The following ABCB1 variants were observed in gnomAD, a reference collection of about 807,000 sequenced individuals.
ABCB1 encodes ATP-dependent translocase ABCB1.
ABCB1 carries 69 observed loss-of-function variants against 142.0 expected under a neutral mutation model. The ratio of observed to expected loss-of-function variants is 0.49; its 90% CI spans 0.40 to 0.59. The LOEUF (loss-of-function observed/expected upper bound fraction) is 0.59. Among genes scored for constraint, ABCB1 ranks in the 20% least tolerant of loss-of-function variants. ABCB1 has a pLI of 0.00. For synonymous variants in ABCB1, 532 were observed against 539.2 expected, an observed-to-expected ratio of 0.99 and a Z score of 0.18; for missense variants, 1,326 against 1,554.7, an observed-to-expected ratio of 0.85 and a Z score of 2.47.
intron 1 of ABCB1, chr7:87,709,585 A>G: frequency 1.1e-6 from 1 of 876,384 alleles, no homozygotes; most frequent in Non-Finnish European, 1.4e-6. Context: ...TTCTAGCCTG[A>G]CAGGTTTTAA....
In ABCB1 at chr7:87,544,222, A is replaced by T; in HGVS notation, c.2118T>A (p.Thr706=). Reference sequence around the variant, plus strand: ...CACCAACAACAAAATAAGGCCATTCAGTTAAATTTAGCTTCATAATCCTCC... The same window carrying T: ...CACCAACAACAAAATAAGGCCATTCTGTTAAATTTAGCTTCATAATCCTCC... ...SFWRIMKLNL[T]EWPYFVVGVF... The change falls in exon 17 of 28, where the codon ACT becomes ACA. Residue 706 remains threonine, a synonymous_variant. Coordinates refer to ENST00000622132, the MANE Select transcript of ABCB1 (RefSeq NM_001348946.2). The T allele has an allele frequency of 1.2e-6, 2 of 1,613,800 alleles. No individual in the cohort carries two copies. Among genetic ancestry groups the T allele is most frequent in the South Asian group, 1.1e-5 (1 of 91,074 alleles).
rs201365503 is a variant in ABCB1 at position 87,545,946 on chromosome 7, C to T, written c.1804G>A (p.Asp602Asn). The T allele has an allele frequency of 3.6e-5, 58 of 1,614,116 alleles. 1 individual carries two copies. The East Asian group carries it at 1.3e-3, about 35-fold the overall frequency. ...VRNADVIAGFDDGVIVEKGNH... is the reference protein window; with the variant it reads ...VRNADVIAGFNDGVIVEKGNH... ...CCTTTCTCCACAATGACTCCATCAT[C>T]GAAACCAGCGATGACGTCAGCATTA... Residue 602 changes from aspartate to asparagine, a missense_variant, in exon 15 of 28, where the codon GAT becomes AAT. Physicochemically the swap from Asp to Asn is conservative, Grantham distance 23. Transcript: ENST00000622132.
chr7:87,511,064 T>A (rs1814985502), intron 25 of ABCB1, among the ~76,000 whole-genome samples: 1 of 152,218 alleles, frequency 6.6e-6, no homozygotes, highest in Non-Finnish European at 1.5e-5. Flanking sequence ...ATCTGAATGA[T>A]CTCAGCAAGT....
At chr7:87,507,706 G>A (rs775172266) in intron 26 of ABCB1, among the ~76,000 whole-genome samples, 12 of 152,082 alleles carry the variant, frequency 7.9e-5, no homozygotes, top group African/African-American at 2.7e-4. Context: ...CTTCCCCGCC[G>A]GGTTGAGGCT....
At chr7:87,685,382 T>C (rs1434367215) in intron 1 of ABCB1, among the ~76,000 whole-genome samples, 2 of 152,130 alleles carry the variant, frequency 1.3e-5, no homozygotes, top group African/African-American at 4.8e-5. Context: ...TCAAACCATA[T>C]TAGGTAGCAC....
At chr7:87,675,788 C>G (rs1485255439) in intron 1 of ABCB1, among the ~76,000 whole-genome samples, 1 of 151,524 alleles carries the variant, frequency 6.6e-6, no homozygotes, top group Non-Finnish European at 1.5e-5. Context: ...AACATAAGAC[C>G]TGAAACTGTA....
At chr7:87,650,722 A>G (rs1469445625) in intron 1 of ABCB1, 8 of 716,224 alleles carry the variant, frequency 1.1e-5, no homozygotes, top group African/African-American at 1.8e-5. Context: ...CTTGTAAAAT[A>G]TTTTTACAAC....
intron 1 of ABCB1, among the ~76,000 whole-genome samples, chr7:87,676,649 A>G (rs1303397838): frequency 4.1e-5 from 6 of 145,284 alleles, no homozygotes; most frequent in Non-Finnish European, 9.0e-5. Context: ...GGTTGCAGTG[A>G]GCCAAGATCA....
intron 9 of ABCB1, among the ~76,000 whole-genome samples, chr7:87,551,467 T>A (rs539712905): frequency 6.6e-6 from 1 of 152,318 alleles, no homozygotes; most frequent in Non-Finnish European, 1.5e-5. Context: ...GCAATTATGA[T>A]TTGTCAATTA....
intron 1 of ABCB1, among the ~76,000 whole-genome samples, chr7:87,680,749 C>T (rs1373446676): frequency 6.7e-6 from 1 of 149,542 alleles, no homozygotes; most frequent in Non-Finnish European, 1.5e-5. Flanking sequence ...GAGCCAAGAT[C>T]GCGCCATTGC....
intron 20 of ABCB1, among the ~76,000 whole-genome samples, chr7:87,532,653 A>G (rs2117133669): frequency 6.6e-6 from 1 of 152,320 alleles, no homozygotes; most frequent in Admixed American, 6.5e-5. Flanking sequence ...GAAACTCATG[A>G]ATAATCCACC....
intron 1 of ABCB1, among the ~76,000 whole-genome samples, chr7:87,642,819 C>CT (rs1822588202): frequency 6.6e-6 from 1 of 152,112 alleles, no homozygotes; most frequent in Non-Finnish European, 1.5e-5. Flanking sequence ...TATTTCCATT[C>CT]TTAAGTGTCT....
At chr7:87,601,525 A>G (rs1455626153), upstream of ABCB1, among the ~76,000 whole-genome samples, 1 of 152,234 alleles carries the variant, frequency 6.6e-6, no homozygotes, top group Non-Finnish European at 1.5e-5. Flanking sequence ...GGCATTTTAA[A>G]TTCTTACATT....
At position 87,561,922 on chromosome 7, in the gene ABCB1, G is replaced by A. The variant is rs556946061; in HGVS notation, c.703-535C>T. ...GATCGTTTGAGCCTAGGAGGACGAG[G>A]CTGCCGTGAGCAGTGGTTGTGCCAC... On this transcript the variant is annotated intron_variant, in intron 7 of 27. Transcript: ENST00000622132. Among the ~76,000 whole-genome samples, 3 of 152,244 alleles carry A rather than the reference G, an allele frequency of 2.0e-5. No homozygotes were observed. The East Asian group carries it at 5.8e-4, about 29-fold the overall frequency.
In ABCB1 at chr7:87,546,832, A is replaced by G. The variant is rs142827496; in HGVS notation, c.1726-808T>C. Reference sequence around the variant, plus strand: ...TTATGAATTTATTTTATCCAATAAAATATTTTATCCAAGGAAACTGTGTGA... The same window carrying G: ...TTATGAATTTATTTTATCCAATAAAGTATTTTATCCAAGGAAACTGTGTGA... On this transcript the variant is annotated intron_variant, in intron 14 of 27. Transcript: ENST00000622132. 2.5e-3 allele frequency among the ~76,000 whole-genome samples: 387 copies of G among 152,290 alleles called. 1 individual carries two copies. Among genetic ancestry groups the G allele is most frequent in the African/African-American group, 8.9e-3 (368 of 41,572 alleles).
chr7:87,693,909 G>T, intron 1 of ABCB1: 1 of 1,607,680 alleles, frequency 6.2e-7, no homozygotes. Flanking sequence ...TTTTTAAAGA[G>T]ATTTCCCAAA....
chr7:87,596,420 G>A (rs748322375), intron 2 of ABCB1, among the ~76,000 whole-genome samples: 3 of 152,036 alleles, frequency 2.0e-5, no homozygotes, highest in Non-Finnish European at 2.9e-5. Context: ...ATAAATGCAC[G>A]CTAGAAAGCT....
chr7:87,560,094 TTGTC>T (rs1817495586), intron 8 of ABCB1, among the ~76,000 whole-genome samples: 1 of 152,184 alleles, frequency 6.6e-6, no homozygotes, highest in African/African-American at 2.4e-5. Flanking sequence ...TTATTTGTGG[TTGTC>T]TGTAACCTTA....
At chr7:87,543,250 C>T (rs1816621229) in intron 17 of ABCB1, among the ~76,000 whole-genome samples, 2 of 152,072 alleles carry the variant, frequency 1.3e-5, no homozygotes, top group South Asian at 4.1e-4. Context: ...GCCGAGTTCG[C>T]ACCACTGCAC....
Sources: gnomAD v4.1 joint callset for allele counts (sites outside exome capture counted in the v4.1 genomes callset) on GRCh38, gnomAD v4.1.1 for gene constraint, MANE v1.5 for transcripts, NCBI Gene and HGNC (gene_info 2026-07-23, HGNC 2026-07-21) for gene names.